NCOR2: variants seen among roughly 807,000 people sequenced by gnomAD.
NCOR2 encodes the protein nuclear receptor corepressor 2, also known as CTG repeat protein 26.
In NCOR2, 81 loss-of-function variants were observed where a neutral mutation model predicts 262.9. The ratio of observed to expected loss-of-function variants is 0.31; its 90% CI spans 0.26 to 0.37. The LOEUF is 0.37. NCOR2 is among the 10% of genes least tolerant of loss of function. The probability of loss-of-function intolerance (pLI) is 1.00; values close to 1 mark genes in which losing one functional copy is unlikely to be tolerated. For synonymous variants in NCOR2, 1,659 were observed against 1,559.3 expected, an observed-to-expected ratio of 1.06 and a Z score of -1.51; for missense variants, 3,385 against 3,621.4, an observed-to-expected ratio of 0.93 and a Z score of 1.68.
rs892782851 is a variant in NCOR2 at position 124,481,664 on chromosome 12, GCAGGGAGATGAGGT to G, written c.411+1918_411+1931del. On this transcript the variant is annotated intron_variant, in intron 3 of 46. Coordinates refer to ENST00000405201, the Ensembl canonical transcript of NCOR2. This position sits in a 1 kb window ranked among gnomAD's most constrained non-coding sequence, Gnocchi z 4.6. ...TACGTGAGCGGTTGAGAGGGCTGCT[GCAGGGAGATGAGGT>G]CAGGGAGGTGACGGGGCTGGATCAC... Among the ~76,000 whole-genome samples the G allele has an allele frequency of 6.6e-6, 1 of 152,202 alleles. No homozygotes were observed. The highest frequency in any genetic ancestry group is 1.5e-5 in the Non-Finnish European group (1 of 68,014).
intron 1 of NCOR2, among the ~76,000 whole-genome samples, chr12:124,501,062 G>GCACGCGCGCA (rs1164232439): frequency 6.8e-6 from 1 of 147,810 alleles, no homozygotes; most frequent in Non-Finnish European, 1.5e-5. Flanking sequence ...GCGCACGCGC[G>GCACGCGCGCA]CACACACACA....
intron 1 of NCOR2, among the ~76,000 whole-genome samples, chr12:124,524,034 C>T (rs2050330857): frequency 6.6e-6 from 1 of 152,226 alleles, no homozygotes; most frequent in Non-Finnish European, 1.5e-5. Flanking sequence ...TCAGACGTGA[C>T]TTCCCAAGAC....
At chr12:124,534,542 A>T (rs761937834) in intron 1 of NCOR2, among the ~76,000 whole-genome samples, 2 of 152,242 alleles carry the variant, frequency 1.3e-5, no homozygotes, top group Non-Finnish European at 2.9e-5. Context: ...GTTATGCAGC[A>T]CATGACTGTA....
chr12:124,554,794 C>G (rs1034717788), intron 1 of NCOR2, among the ~76,000 whole-genome samples: 1 of 152,252 alleles, frequency 6.6e-6, no homozygotes, highest in African/African-American at 2.4e-5. Flanking sequence ...GCTTCCTGCC[C>G]GCCGCTACAG....
At chr12:124,379,843 G>T (rs972314092) in intron 17 of NCOR2, among the ~76,000 whole-genome samples, 3 of 152,232 alleles carry the variant, frequency 2.0e-5, no homozygotes, top group African/African-American at 7.2e-5. Context: ...ACGGATTCAG[G>T]GACACGAAGG....
At chr12:124,468,047 C>A (rs538770997) in intron 4 of NCOR2, among the ~76,000 whole-genome samples, 22 of 15,974 alleles carry the variant, frequency 1.4e-3, no homozygotes, top group Non-Finnish European at 2.2e-3. Context: ...ATCCTCATCA[C>A]CCTCATCATC....
At chr12:124,408,142 C>T (rs375656556) in intron 13 of NCOR2, among the ~76,000 whole-genome samples, 4 of 152,144 alleles carry the variant, frequency 2.6e-5, no homozygotes, top group Admixed American at 2.0e-4. Flanking sequence ...ATCATGAGGT[C>T]AGGAAATCGA....
Position 124,427,424 on chromosome 12 carries a change from G to A in NCOR2, c.1150-624C>T, listed in dbSNP as rs150941627. Among the ~76,000 whole-genome samples the A allele has an allele frequency of 5.4e-3, 819 of 152,314 alleles. 7 individuals carry two copies. The highest frequency in any genetic ancestry group is 0.01 in the Middle Eastern group (3 of 294). On this transcript the variant is annotated intron_variant, in intron 10 of 46. Transcript: ENST00000405201. ...GATGACTATTAAGAGGCTCTGAGCC[G>A]CCACTCAGCTGGGCTCACTTCCCCA...
chr12:124,360,092 T>C (rs2038418127), intron 22 of NCOR2, among the ~76,000 whole-genome samples: 6 of 152,196 alleles, frequency 3.9e-5, no homozygotes, highest in Admixed American at 3.9e-4. Context: ...GCGACCTGGC[T>C]CAGCAGGACC....
intron 23 of NCOR2, among the ~76,000 whole-genome samples, chr12:124,355,806 G>A (rs1022182489): frequency 6.6e-6 from 1 of 152,164 alleles, no homozygotes; most frequent in African/African-American, 2.4e-5. Context: ...CCTGATCCAA[G>A]CGCCCTCAAC....
intron 24 of NCOR2, 83 bp from the exon 27 acceptor site, chr12:124,355,022 A>T: frequency 8.3e-7 from 1 of 1,199,920 alleles, no homozygotes; most frequent in East Asian, 2.5e-5. Flanking sequence ...CTGTTCAAAA[A>T]GCCCACGTGT....
At position 124,410,915 on chromosome 12, in the gene NCOR2, AG is replaced by A. The variant is rs1796434670; in HGVS notation, c.1483-8355del. Among the ~76,000 whole-genome samples, 8 of 151,578 alleles carry A rather than the reference AG, an allele frequency of 5.3e-5. No individual in the cohort carries two copies. In the South Asian group the frequency reaches 1.7e-3, roughly 32 times the overall value. Reference sequence around the variant, plus strand: ...AGAGCTGGGAGAGGACAGACGGAGGAGGCAGGGGACAGGGGGCTGTAGTGGG... The same window carrying A: ...AGAGCTGGGAGAGGACAGACGGAGGAGCAGGGGACAGGGGGCTGTAGTGGG... On this transcript the variant is annotated intron_variant, in intron 13 of 46. Transcript: ENST00000405201.
chr12:124,360,523 T>TCCTTCCCCTTCCGC (rs1182243177), intron 22 of NCOR2, among the ~76,000 whole-genome samples: 1 of 152,006 alleles, frequency 6.6e-6, no homozygotes, highest in Non-Finnish European at 1.5e-5. Flanking sequence ...AACAAGCACC[T>TCCTTCCCCTTCCGC]CCTTCCCCTT....
intron 2 of NCOR2, among the ~76,000 whole-genome samples, chr12:124,485,332 G>A (rs1227299825): frequency 2.0e-5 from 3 of 152,208 alleles, no homozygotes; most frequent in Non-Finnish European, 4.4e-5. Flanking sequence ...AACACAACAA[G>A]AGAACACAGA....
intron 16 of NCOR2, chr12:124,388,570 G>A: frequency 1.8e-6 from 2 of 1,119,246 alleles, no homozygotes; most frequent in Non-Finnish European, 2.4e-6. Context: ...ATCCACTCCA[G>A]GGGCCCAGAA....
chr12:124,438,206 GT>G (rs1565944073), intron 7 of NCOR2, among the ~76,000 whole-genome samples: 1 of 152,108 alleles, frequency 6.6e-6, no homozygotes, highest in Non-Finnish European at 1.5e-5. Context: ...CCCCGCCAAC[GT>G]TTAGGTTGAG....
chr12:124,402,846 C>T (rs1555217821), intron 13 of NCOR2, among the ~76,000 whole-genome samples: 2 of 152,158 alleles, frequency 1.3e-5, no homozygotes, highest in Non-Finnish European at 2.9e-5. Flanking sequence ...CTGCCCTTTC[C>T]ACACAGTGGC....
chr12:124,496,268 G>C (rs1665617776), upstream of NCOR2, among the ~76,000 whole-genome samples: 1 of 149,084 alleles, frequency 6.7e-6, no homozygotes, highest in Non-Finnish European at 1.5e-5. This position sits in a 1 kb window ranked among gnomAD's most constrained non-coding sequence, Gnocchi z 4.4. Context: ...TCCTCCGCCA[G>C]CCACAGCTCC....
chr12:124,513,520 T>A (rs367921456), intron 1 of NCOR2: 1 of 152,254 alleles, frequency 6.6e-6, no homozygotes, highest in Non-Finnish European at 1.5e-5. Flanking sequence ...CCCCTTAACA[T>A]GCTAAGCATG....
Sources: gnomAD v4.1 joint callset for allele counts (sites outside exome capture counted in the v4.1 genomes callset) on GRCh38, gnomAD v4.1.1 for gene constraint, Gnocchi (gnomAD v3.1) non-coding constraint, MANE v1.5 for transcripts, NCBI Gene and HGNC (gene_info 2026-07-23, HGNC 2026-07-21) for gene names.